DCAF7: variants seen among roughly 807,000 people sequenced by gnomAD.
DCAF7 encodes the protein DDB1- and CUL4-associated factor 7.
Under a neutral mutation model 41.2 loss-of-function variants are expected in DCAF7, and 4 were observed. The observed-to-expected ratio is 0.10, with a 90% confidence interval of 0.05 to 0.22. DCAF7 has a LOEUF of 0.22. DCAF7 is among the 10% of genes least tolerant of loss of function. The pLI, the probability that DCAF7 is intolerant of heterozygous loss-of-function variation, is 1.00. For synonymous variants in DCAF7, 143 were observed against 164.2 expected, an observed-to-expected ratio of 0.87 and a Z score of 0.99; for missense variants, 131 against 443.2, an observed-to-expected ratio of 0.30 and a Z score of 6.32.
intron 1 of DCAF7, among the ~76,000 whole-genome samples, chr17:63,558,582 G>C (rs1165701124): frequency 4.6e-5 from 7 of 152,154 alleles, no homozygotes; most frequent in African/African-American, 1.7e-4. Context: ...CTGTCGCCCA[G>C]GCTAGAGTGC....
intron 4 of DCAF7, 88 bp downstream of exon 4, chr17:63,580,031 C>A: frequency 1.1e-6 from 1 of 918,848 alleles, no homozygotes; most frequent in Non-Finnish European, 1.7e-6. Context: ...CATTGTTCTG[C>A]AATTTATGTA....
At chr17:63,583,886 G>T (rs181608001) in intron 5 of DCAF7, among the ~76,000 whole-genome samples, 175 bp downstream of exon 5, 38 of 152,274 alleles carry the variant, frequency 2.5e-4, no homozygotes, top group African/African-American at 7.2e-4. Context: ...TGGCATCTAG[G>T]GGGTAGAGAC....
At chr17:63,556,644 G>A (rs192030269) in intron 1 of DCAF7, among the ~76,000 whole-genome samples, 155 of 151,926 alleles carry the variant, frequency 1.0e-3, no homozygotes, top group African/African-American at 3.3e-3. Flanking sequence ...TGAGGCTGGC[G>A]GATCACGAGG....
At chr17:63,566,913 CA>C (rs1271728226) in intron 1 of DCAF7, among the ~76,000 whole-genome samples, 3 of 151,616 alleles carry the variant, frequency 2.0e-5, no homozygotes, top group Admixed American at 6.6e-5. Context: ...GACCTTGTCT[CA>C]AAAAAAAGTT....
chr17:63,565,318 C>T (rs142860529), intron 1 of DCAF7, among the ~76,000 whole-genome samples: 63 of 151,978 alleles, frequency 4.1e-4, no homozygotes, highest in African/African-American at 1.5e-3. Flanking sequence ...CTCACACCTG[C>T]AATCCCAGCA....
At chr17:63,574,585 CTAATG>C (rs1451416485) in intron 1 of DCAF7, among the ~76,000 whole-genome samples, 1 of 152,114 alleles carries the variant, frequency 6.6e-6, no homozygotes, top group Non-Finnish European at 1.5e-5. Context: ...AAACTAATAA[CTAATG>C]TAGCAAAGTT....
chr17:63,565,192 G>C lies in DCAF7; in HGVS notation c.139-13278G>C, dbSNP rs138268949. On this transcript the variant is annotated intron_variant, in intron 1 of 6. Coordinates refer to ENST00000614556, the MANE Select transcript of DCAF7 (RefSeq NM_005828.5). The stretch of plus-strand genomic sequence containing the variant: ...ATAAGAAAGAGATATCCACAACCCA[G>C]TAGAAAAACTGGACAAATGTTCTAA... Among the ~76,000 whole-genome samples the C allele has an allele frequency of 7.5e-3, 1,143 of 152,284 alleles. 15 individuals carry two copies. The highest frequency in any genetic ancestry group is 0.026 in the African/African-American group (1,067 of 41,550).
At chr17:63,578,380 CA>C (rs1010113649) in intron 1 of DCAF7, 89 bp from the exon 2 acceptor site, 18 of 1,556,964 alleles carry the variant, frequency 1.2e-5, no homozygotes, top group South Asian at 2.4e-5. Flanking sequence ...AAAAAACAAA[CA>C]AAAAAAACCT....
intron 1 of DCAF7, among the ~76,000 whole-genome samples, chr17:63,577,880 G>A (rs946555909): frequency 2.0e-5 from 3 of 152,174 alleles, no homozygotes; most frequent in Non-Finnish European, 2.9e-5. Context: ...GTGCACTTAT[G>A]TAGTTGGAGT....
intron 1 of DCAF7, among the ~76,000 whole-genome samples, chr17:63,555,681 G>A (rs1032800837): frequency 1.3e-5 from 2 of 152,148 alleles, no homozygotes; most frequent in Non-Finnish European, 2.9e-5. Flanking sequence ...AAGACTGTCA[G>A]CAGGGGAATT....
At chr17:63,572,935 G>A (rs1242732732) in intron 1 of DCAF7, among the ~76,000 whole-genome samples, 6 of 151,950 alleles carry the variant, frequency 3.9e-5, no homozygotes, top group Admixed American at 3.3e-4. Context: ...GCTAATTTTT[G>A]TATTTTTTGT....
At chr17:63,551,943 C>T (rs2033261846) in intron 1 of DCAF7, among the ~76,000 whole-genome samples, 1 of 126,928 alleles carries the variant, frequency 7.9e-6, no homozygotes, top group South Asian at 2.8e-4. Context: ...CCGGGCGTAG[C>T]TTAGTGCGCC....
At position 63,583,596 on chromosome 17, in the gene DCAF7, A is replaced by G; in HGVS notation, c.623A>G (p.His208Arg). Reference sequence around the variant, plus strand: ...TCGGTGCGGATGTTTGACCTCCGCCATCTAGAACACAGCACCATCATTTAC... The same window carrying G: ...TCGGTGCGGATGTTTGACCTCCGCCGTCTAGAACACAGCACCATCATTTAC... ...DGSVRMFDLR[H>R]LEHSTIIYED... The change falls in exon 5 of 7, where the codon CAT (histidine) becomes CGT (arginine). Residue 208 changes from histidine (H) to arginine (R), a missense_variant. Physicochemically the swap from His to Arg is conservative, Grantham distance 29. Coordinates refer to ENST00000614556, the MANE Select transcript of DCAF7 (RefSeq NM_005828.5). The G allele has an allele frequency of 6.2e-7, 1 of 1,613,642 alleles. No individual in the cohort carries two copies. The highest frequency in any genetic ancestry group is 8.5e-7 in the Non-Finnish European group (1 of 1,179,632).
chr17:63,587,473 T>C (rs1212148443), intron 6 of DCAF7, among the ~76,000 whole-genome samples: 1 of 152,146 alleles, frequency 6.6e-6, no homozygotes, highest in Non-Finnish European at 1.5e-5. Flanking sequence ...GGCTCGCTGT[T>C]GTTTTGTGTG....
chr17:63,551,242 C>T (rs75392516), intron 1 of DCAF7, among the ~76,000 whole-genome samples: 5,301 of 151,960 alleles, frequency 0.035, 297 homozygotes, highest in African/African-American at 0.12. Flanking sequence ...TGGTCGTGCA[C>T]TCCTGGCCAC....
At chr17:63,554,723 C>G (rs967093098) in intron 1 of DCAF7, among the ~76,000 whole-genome samples, 1 of 152,054 alleles carries the variant, frequency 6.6e-6, no homozygotes, top group Non-Finnish European at 1.5e-5. Flanking sequence ...GGAACGCCAC[C>G]CGGTGTGGAA....
At chr17:63,581,923 T>C (rs2033626565) in intron 4 of DCAF7, among the ~76,000 whole-genome samples, 1 of 152,208 alleles carries the variant, frequency 6.6e-6, no homozygotes, top group African/African-American at 2.4e-5. Context: ...TCACCTTCCC[T>C]TGGTTTCCCA....
At chr17:63,556,651 G>A (rs759768516) in intron 1 of DCAF7, among the ~76,000 whole-genome samples, 153 of 152,080 alleles carry the variant, frequency 1.0e-3, no homozygotes, top group Non-Finnish European at 1.8e-3. Context: ...GGCGGATCAC[G>A]AGGTCAGGAG....
intron 5 of DCAF7, among the ~76,000 whole-genome samples, chr17:63,584,558 A>C (rs1189294310): frequency 1.3e-5 from 2 of 152,112 alleles, no homozygotes; most frequent in Non-Finnish European, 2.9e-5. Context: ...CAGGAGATCA[A>C]GACCATCCTA....
Sources: allele counts gnomAD v4.1 joint callset (sites outside exome capture counted in the v4.1 genomes callset), GRCh38; gene constraint gnomAD v4.1.1; transcripts MANE v1.5; gene names NCBI Gene and HGNC (gene_info 2026-07-23, HGNC 2026-07-21).